The following RUFY2 variants were observed in gnomAD, a reference collection of about 807,000 sequenced individuals.
RUFY2 encodes RUN and FYVE domain containing 2.
Under a neutral mutation model 94.4 loss-of-function variants are expected in RUFY2, and 49 were observed. That is an observed-to-expected ratio of 0.52 (90% CI 0.41 to 0.66). The LOEUF is 0.66. RUFY2 is among the 30% of genes least tolerant of loss of function. RUFY2 has a pLI of 0.00. For missense variants in RUFY2, 541 were observed against 692.8 expected (o/e 0.78, Z 2.46); for synonymous variants, 255 against 235.7 (o/e 1.08, Z -0.75).
At chr10:68,400,622 G>C (rs1325717578) in intron 3 of RUFY2, among the ~76,000 whole-genome samples, 2 of 151,298 alleles carry the variant, frequency 1.3e-5, no homozygotes, top group African/African-American at 2.4e-5. Context: ...GTTGCAGTGA[G>C]CTGAAATCGC....
At chr10:68,390,382 A>G (rs1326485443) in intron 7 of RUFY2, among the ~76,000 whole-genome samples, 2 of 152,204 alleles carry the variant, frequency 1.3e-5, no homozygotes, top group Admixed American at 1.3e-4. Context: ...ATTATTCATA[A>G]TCCTATCACC....
intron 13 of RUFY2, among the ~76,000 whole-genome samples, chr10:68,366,812 ATGT>A (rs200040815): frequency 3.8e-3 from 1 of 264 alleles, no homozygotes; most frequent in African/African-American, 0.031. Flanking sequence ...ATATAATATA[ATGT>A]TATATGGTAT....
chr10:68,383,268 T>C (rs1490260118), intron 10 of RUFY2, among the ~76,000 whole-genome samples: 1 of 152,030 alleles, frequency 6.6e-6, no homozygotes, highest in East Asian at 1.9e-4. Flanking sequence ...GAGGCTGCAG[T>C]GAGCCAAGAT....
intron 13 of RUFY2, among the ~76,000 whole-genome samples, chr10:68,372,848 C>A (rs1173356227): frequency 6.6e-6 from 1 of 151,620 alleles, no homozygotes; most frequent in Non-Finnish European, 1.5e-5. Flanking sequence ...ATCAAGGCTG[C>A]AGTGAGCTGT....
intron 15 of RUFY2, among the ~76,000 whole-genome samples, chr10:68,357,233 G>T (rs1251624806): frequency 2.9e-5 from 4 of 139,768 alleles, no homozygotes; most frequent in Admixed American, 7.2e-5. Context: ...GTATAACTTT[G>T]TTTTTTTTTT....
At chr10:68,395,207 A>G (rs1030062804) in intron 4 of RUFY2, among the ~76,000 whole-genome samples, 3 of 151,946 alleles carry the variant, frequency 2.0e-5, no homozygotes, top group African/African-American at 7.3e-5. Context: ...GCGTGGTGGC[A>G]CACGCCTGTA....
chr10:68,368,049 T>A (rs553876212), intron 13 of RUFY2, among the ~76,000 whole-genome samples: 96 of 148,898 alleles, frequency 6.4e-4, no homozygotes, highest in Admixed American at 1.2e-3. Context: ...CACTGCAACC[T>A]CCGCCTCCCG....
At chr10:68,400,357 A>G (rs1328031291) in intron 3 of RUFY2, among the ~76,000 whole-genome samples, 2 of 151,746 alleles carry the variant, frequency 1.3e-5, no homozygotes, top group African/African-American at 4.8e-5. Context: ...AAAAGAGAAC[A>G]CTTACATTTT....
rs998640134 is a variant in RUFY2 at position 68,343,419 on chromosome 10, T to C, written c.*2349A>G. Reference sequence around the variant, plus strand: ...ATACACCACCTGTCTTTTTTGAAAGTTGTATGTGTTTTATTTTCCCAGGAT... The same window carrying C: ...ATACACCACCTGTCTTTTTTGAAAGCTGTATGTGTTTTATTTTCCCAGGAT... On this transcript the variant is annotated 3_prime_UTR_variant, in exon 18 of 18. Coordinates refer to ENST00000602465, the MANE Select transcript of RUFY2 (RefSeq NM_001330103.2). 5 of 152,728 alleles carry C rather than the reference T, an allele frequency of 3.3e-5. No homozygotes were observed. The allele number at this position is 152,728 out of a possible 1,614,324, so 9.5% of individuals were successfully genotyped here.
chr10:68,393,800 C>A, intron 6 of RUFY2: 1 of 413,202 alleles, frequency 2.4e-6, no homozygotes. Flanking sequence ...AAGCTTTCAT[C>A]TCTTTTATTC....
chr10:68,364,169 T>A, intron 13 of RUFY2, 56 bp from the exon 14 acceptor site: 1 of 1,513,386 alleles, frequency 6.6e-7, no homozygotes, highest in Non-Finnish European at 8.9e-7. Flanking sequence ...CGACAGTTGT[T>A]ATGTATTCTT....
At chr10:68,385,150 G>C (rs1324022701) in intron 8 of RUFY2, among the ~76,000 whole-genome samples, 2 of 152,020 alleles carry the variant, frequency 1.3e-5, no homozygotes, top group Admixed American at 1.3e-4. Context: ...TTTAATCCCA[G>C]CTACTCAGGA....
chr10:68,405,505 G>T (rs2051221754), intron 1 of RUFY2: 6 of 939,762 alleles, frequency 6.4e-6, no homozygotes, highest in Non-Finnish European at 7.6e-6. Flanking sequence ...TGGGGTGAGA[G>T]ACAACAGGTT....
chr10:68,365,764 T>C (rs2047763403), intron 13 of RUFY2, among the ~76,000 whole-genome samples: 1 of 152,020 alleles, frequency 6.6e-6, no homozygotes, highest in South Asian at 2.1e-4. Flanking sequence ...ACTGGTTTCA[T>C]TTAGCATCAT....
chr10:68,374,836 C>T (rs2048518557), intron 13 of RUFY2, among the ~76,000 whole-genome samples: 1 of 151,992 alleles, frequency 6.6e-6, no homozygotes, highest in South Asian at 2.1e-4. Context: ...GGGGAAAATA[C>T]TGATGTTTAT....
chr10:68,398,503 T>C (rs1420416116), intron 3 of RUFY2, among the ~76,000 whole-genome samples: 1 of 151,822 alleles, frequency 6.6e-6, no homozygotes, highest in Non-Finnish European at 1.5e-5. Flanking sequence ...AATACAAAAA[T>C]TAGCCAGGCA....
intron 1 of RUFY2, chr10:68,405,350 A>G (rs982478916): frequency 7.6e-5 from 34 of 445,626 alleles, no homozygotes; most frequent in Non-Finnish European, 1.0e-4. Context: ...AAGAAAGAAA[A>G]AAGAAAATTT....
intron 15 of RUFY2, among the ~76,000 whole-genome samples, chr10:68,362,088 G>A (rs1215626890): frequency 1.3e-5 from 2 of 152,150 alleles, no homozygotes; most frequent in Non-Finnish European, 2.9e-5. Context: ...ACTTTGGGAG[G>A]CTGAGGCAGG....
At chr10:68,351,934 G>A (rs1171858730) in intron 16 of RUFY2, among the ~76,000 whole-genome samples, 1 of 151,516 alleles carries the variant, frequency 6.6e-6, no homozygotes, top group Non-Finnish European at 1.5e-5. Flanking sequence ...GTGGGTGCCT[G>A]TAATCCCAGC....
Sources: allele counts gnomAD v4.1 joint callset (sites outside exome capture counted in the v4.1 genomes callset), GRCh38; gene constraint gnomAD v4.1.1; transcripts MANE v1.5; gene names NCBI Gene and HGNC (gene_info 2026-07-23, HGNC 2026-07-21).